The following S100A7A variants were observed in gnomAD, a reference collection of about 807,000 sequenced individuals.
The protein encoded by S100A7A is S100 calcium binding protein A7A, also known as protein S100-A7A.
In S100A7A, 5 loss-of-function variants were observed where a neutral mutation model predicts 4.0. The observed-to-expected ratio is 1.26, with a 90% CI of 0.66 to 2.66. The LOEUF (loss-of-function observed/expected upper bound fraction) is 2.66, where lower values mean the gene tolerates loss of function less well. Among genes scored for constraint, S100A7A ranks in the 30% most tolerant of loss-of-function variants. The pLI is 0.01. For synonymous variants in S100A7A, 52 were observed against 46.4 expected, an observed-to-expected ratio of 1.12 and a Z score of -0.49; for missense variants, 159 against 125.1, an observed-to-expected ratio of 1.27 and a Z score of -1.29.
intron 2 of S100A7A, 35 bp downstream of exon 2, chr1:153,418,258 AC>A (rs750856354): frequency 6.2e-7 from 1 of 1,605,448 alleles, no homozygotes; most frequent in Non-Finnish European, 8.5e-7. Context: ...TGTTGGTTGG[AC>A]CCTGGCATGG....
chr1:153,419,125 G>A lies in S100A7A; in HGVS notation c.142-20G>A, dbSNP rs1346767895. The A allele has an allele frequency of 2.5e-6, 4 of 1,609,424 alleles. No individual in the cohort carries two copies. Among genetic ancestry groups the A allele is most frequent in the Non-Finnish European group, 3.4e-6 (4 of 1,177,520 alleles). The stretch of plus-strand genomic sequence containing the variant: ...GTTTGTGATTGAATTTTTCTATTTT[G>A]TATGTTTTTCTCTTCACAGGACAAA... On this transcript the variant is annotated intron_variant, in intron 2 of 2. Coordinates refer to ENST00000368729, the MANE Select transcript of S100A7A (RefSeq NM_176823.4).
chr1:153,421,106 C>A lies in S100A7A; in HGVS notation c.*1797C>A, dbSNP rs938668580. Reference sequence around the variant, plus strand: ...TGTTATTCCCCGAATGCGCAACATACCCCCCATCAATATATCTCAGTATTT... The same window carrying A: ...TGTTATTCCCCGAATGCGCAACATAACCCCCATCAATATATCTCAGTATTT... On this transcript the variant is annotated 3_prime_UTR_variant, in exon 3 of 3. Transcript: ENST00000368729. The A allele has an allele frequency of 6.6e-6, 1 of 152,196 alleles. No individual in the cohort carries two copies. The highest frequency in any genetic ancestry group is 2.4e-5 in the African/African-American group (1 of 41,428). The allele number at this position is 152,196 out of a possible 1,614,324, so 9.4% of individuals were successfully genotyped here. A position where few individuals can be genotyped will look rare whatever the true frequency, so the allele number is the denominator to read the frequency against.
rs1662928697 is a variant in S100A7A at position 153,422,686 on chromosome 1, C to CT, written c.*3378dup. 6.0e-6 allele frequency: 1 copy of CT among 167,748 alleles called. No individual in the cohort carries two copies. The highest frequency in any genetic ancestry group is 6.5e-5 in the Admixed American group (1 of 15,290). The allele number at this position is 167,748 out of a possible 1,614,324, so 10.4% of individuals were successfully genotyped here. A position where few individuals can be genotyped will look rare whatever the true frequency, so the allele number is the denominator to read the frequency against. ...GAATTCACTGTGACGTCACTCCTGT[C>CT]TCTCTTTGCTTTCTTCTGACTGACA... On this transcript the variant is annotated 3_prime_UTR_variant, in exon 3 of 3. Coordinates refer to ENST00000368729, the MANE Select transcript of S100A7A (RefSeq NM_176823.4).
Position 153,420,486 on chromosome 1 carries a change from G to A in S100A7A, c.*1177G>A, listed in dbSNP as rs1662872598. 6.6e-6 allele frequency: 1 copy of A among 152,312 alleles called. No individual in the cohort carries two copies. The highest frequency in any genetic ancestry group is 2.4e-5 in the African/African-American group (1 of 41,408). 9.4% of individuals were successfully genotyped at this position (152,312 alleles called of 1,614,324 possible). A position where few individuals can be genotyped will look rare whatever the true frequency, so the allele number is the denominator to read the frequency against. ...GCAAACATTCTTCTTGGAGGAATCA[G>A]GCAAACATCTCAAAAATTCTCTTTC... is the stretch of plus-strand genomic sequence containing the variant. On this transcript the variant is annotated 3_prime_UTR_variant, in exon 3 of 3. Coordinates refer to ENST00000368729, the MANE Select transcript of S100A7A (RefSeq NM_176823.4).
In S100A7A at chr1:153,419,645, C is replaced by T; in HGVS notation, c.*336C>T. 3.2e-6 allele frequency: 1 copy of T among 316,430 alleles called. No individual in the cohort carries two copies. Among genetic ancestry groups the T allele is most frequent in the African/African-American group, 2.1e-5 (1 of 47,588 alleles). 19.6% of individuals were successfully genotyped at this position (316,430 alleles called of 1,614,324 possible). A position where few individuals can be genotyped will look rare whatever the true frequency, so the allele number is the denominator to read the frequency against. ...GCCCCTGCCAGGTCACAGCAATGCTCTCCTTGTCAAGGCATGGACCAGGGT... is the reference window on the plus strand; with the variant it reads ...GCCCCTGCCAGGTCACAGCAATGCTTTCCTTGTCAAGGCATGGACCAGGGT... On this transcript the variant is annotated 3_prime_UTR_variant, in exon 3 of 3. Transcript: ENST00000368729.
In S100A7A at chr1:153,418,007, C is replaced by T. The variant is rs557553370; in HGVS notation, c.-17-59C>T. 2.3e-5 allele frequency: 36 copies of T among 1,594,466 alleles called. No individual in the cohort carries two copies. In the East Asian group the frequency reaches 6.9e-4, roughly 31 times the overall value. Reference sequence around the variant, plus strand: ...TGTCCTCAGCCCTCCTTCTAACACCCCCACATAGAGACCTTAATTCAAACT... The same window carrying T: ...TGTCCTCAGCCCTCCTTCTAACACCTCCACATAGAGACCTTAATTCAAACT... On this transcript the variant is annotated intron_variant, in intron 1 of 2. Coordinates refer to ENST00000368729, the MANE Select transcript of S100A7A (RefSeq NM_176823.4).
At position 153,418,055 on chromosome 1, in the gene S100A7A, A is replaced by C. The variant is rs1298241907; in HGVS notation, c.-17-11A>C. ...ACTAAGGTAAGAAATGATTGTCTTT[A>C]TTTCCTGAAGGCTTTTTGAAAGCAA... On this transcript the variant is annotated splice_polypyrimidine_tract_variant and intron_variant, in intron 1 of 2. Coordinates refer to ENST00000368729, the MANE Select transcript of S100A7A (RefSeq NM_176823.4). 1 of 1,612,738 alleles carries C rather than the reference A, an allele frequency of 6.2e-7. No homozygotes were observed.
chr1:153,417,167 C>T (rs142181545), intron 1 of S100A7A: 6 of 152,346 alleles, frequency 3.9e-5, no homozygotes, highest in Non-Finnish European at 8.8e-5. Context: ...AGCCAAGGTC[C>T]TTTTCTGGTT....
Position 153,422,520 on chromosome 1 carries a change from T to A in S100A7A, c.*3211T>A, listed in dbSNP as rs533084009. 3.2e-5 allele frequency: 32 copies of A among 985,218 alleles called. No homozygotes were observed. Among genetic ancestry groups the A allele is most frequent in the Middle Eastern group, 5.2e-4 (1 of 1,912 alleles). 61.0% of individuals were successfully genotyped at this position (985,218 alleles called of 1,614,324 possible). ...GACAGCTCTATGCCCACACTCACAT[T>A]ACAGCTGATGTGAAAGAGATTCTGG... On this transcript the variant is annotated 3_prime_UTR_variant, in exon 3 of 3. Transcript: ENST00000368729.
intron 1 of S100A7A, 194 bp from the exon 2 acceptor site, chr1:153,417,872 G>A (rs1344688561): frequency 1.6e-6 from 1 of 617,266 alleles, no homozygotes; most frequent in Non-Finnish European, 2.7e-6. Flanking sequence ...CCCTGGCCAG[G>A]ATGGGCCGGG....
chr1:153,420,488 C>T lies in S100A7A; in HGVS notation c.*1179C>T, dbSNP rs1346609897. 6.6e-6 allele frequency: 1 copy of T among 152,316 alleles called. No individual in the cohort carries two copies. Among genetic ancestry groups the T allele is most frequent in the Admixed American group, 6.5e-5 (1 of 15,284 alleles). The allele number at this position is 152,316 out of a possible 1,614,324, so 9.4% of individuals were successfully genotyped here. A position where few individuals can be genotyped will look rare whatever the true frequency, so the allele number is the denominator to read the frequency against. ...AAACATTCTTCTTGGAGGAATCAGG[C>T]AAACATCTCAAAAATTCTCTTTCCA... is the stretch of plus-strand genomic sequence containing the variant. On this transcript the variant is annotated 3_prime_UTR_variant, in exon 3 of 3. Coordinates refer to ENST00000368729, the MANE Select transcript of S100A7A (RefSeq NM_176823.4).
At chr1:153,418,697 T>G (rs146368837) in intron 2 of S100A7A, among the ~76,000 whole-genome samples, 3 of 152,146 alleles carry the variant, frequency 2.0e-5, no homozygotes, top group Non-Finnish European at 1.5e-5. Flanking sequence ...AGGGTCTAGA[T>G]GACCAAGAGT....
In S100A7A at chr1:153,420,565, C is replaced by T. The variant is rs1189234930; in HGVS notation, c.*1256C>T. The T allele has an allele frequency of 6.6e-6, 1 of 152,272 alleles. No individual in the cohort carries two copies. The highest frequency in any genetic ancestry group is 1.5e-5 in the Non-Finnish European group (1 of 68,096). 9.4% of individuals were successfully genotyped at this position (152,272 alleles called of 1,614,324 possible). On this transcript the variant is annotated 3_prime_UTR_variant, in exon 3 of 3. Coordinates refer to ENST00000368729, the MANE Select transcript of S100A7A (RefSeq NM_176823.4). ...GGCTATTTGTTCTTTGGAATGACTGCTCCACTCCACACTCACACCTCTATT... is the reference window on the plus strand; with the variant it reads ...GGCTATTTGTTCTTTGGAATGACTGTTCCACTCCACACTCACACCTCTATT...
Position 153,416,558 on chromosome 1 carries a change from G to C in S100A7A, c.-23G>C. ...ATCCTTCTACTCGTGACACTTCCCAGTTCTGGTAAGTCTCACCTGCCTCTT... is the reference window on the plus strand; with the variant it reads ...ATCCTTCTACTCGTGACACTTCCCACTTCTGGTAAGTCTCACCTGCCTCTT... On this transcript the variant is annotated 5_prime_UTR_variant, in exon 1 of 3. Coordinates refer to ENST00000368729, the MANE Select transcript of S100A7A (RefSeq NM_176823.4). 4.1e-6 allele frequency: 2 copies of C among 485,858 alleles called. No individual in the cohort carries two copies. The highest frequency in any genetic ancestry group is 8.2e-6 in the Non-Finnish European group (2 of 243,306). The allele number at this position is 485,858 out of a possible 1,614,324, so 30.1% of individuals were successfully genotyped here. A position where few individuals can be genotyped will look rare whatever the true frequency, so the allele number is the denominator to read the frequency against.
rs3014814 is a variant in S100A7A, at chr1:153,419,568, C to G, written c.*259C>G. ...CAGGTCCTGGTGTCTGCCTCTGCACCGTTCCCTAAATGCAGCCACCTTGGC... is the reference window on the plus strand; with the variant it reads ...CAGGTCCTGGTGTCTGCCTCTGCACGGTTCCCTAAATGCAGCCACCTTGGC... On this transcript the variant is annotated 3_prime_UTR_variant, in exon 3 of 3. Transcript: ENST00000368729. The G allele has an allele frequency of 0.12, 57,459 of 473,224 alleles. 5,088 individuals carry two copies. The highest frequency in any genetic ancestry group is 0.34 in the African/African-American group (17,250 of 51,286). 29.3% of individuals were successfully genotyped at this position (473,224 alleles called of 1,614,324 possible).
At chr1:153,418,658 G>GA (rs912290385) in intron 2 of S100A7A, among the ~76,000 whole-genome samples, 20 of 152,144 alleles carry the variant, frequency 1.3e-4, no homozygotes, top group Admixed American at 2.0e-4. Flanking sequence ...TGGCAAATCT[G>GA]AAAAAACCTG....
rs895610944 is a variant in S100A7A, at chr1:153,421,950, C to G, written c.*2641C>G. On this transcript the variant is annotated 3_prime_UTR_variant, in exon 3 of 3. Coordinates refer to ENST00000368729, the MANE Select transcript of S100A7A (RefSeq NM_176823.4). ...GGAGCCTTGTCTAATGTTCCTGAGA[C>G]TATTTCACACTCTCCATGCTTATGT... The G allele has an allele frequency of 1.3e-5, 2 of 152,234 alleles. No individual in the cohort carries two copies. Among genetic ancestry groups the G allele is most frequent in the African/African-American group, 4.8e-5 (2 of 41,458 alleles). 9.4% of individuals were successfully genotyped at this position (152,234 alleles called of 1,614,324 possible).
chr1:153,418,930 C>A (rs551628253), intron 2 of S100A7A, among the ~76,000 whole-genome samples: 1 of 152,264 alleles, frequency 6.6e-6, no homozygotes, highest in African/African-American at 2.4e-5. Context: ...GCCTCCCATC[C>A]TGAGGTGTGA....
Position 153,422,641 on chromosome 1 carries a change from T to C in S100A7A, c.*3332T>C, listed in dbSNP as rs1267181022. The C allele has an allele frequency of 4.9e-6, 2 of 406,070 alleles. No individual in the cohort carries two copies. The highest frequency in any genetic ancestry group is 6.6e-6 in the Non-Finnish European group (2 of 301,010). The allele number at this position is 406,070 out of a possible 1,614,324, so 25.2% of individuals were successfully genotyped here. Reference sequence around the variant, plus strand: ...CACTCTGTCGCCCGGGCTGGAGTGCTGTGAGCTGTCCGTGGTGCTGAATTC... The same window carrying C: ...CACTCTGTCGCCCGGGCTGGAGTGCCGTGAGCTGTCCGTGGTGCTGAATTC... On this transcript the variant is annotated 3_prime_UTR_variant, in exon 3 of 3. Transcript: ENST00000368729.
Sources: gnomAD v4.1 joint callset for allele counts (sites outside exome capture counted in the v4.1 genomes callset) on GRCh38, gnomAD v4.1.1 for gene constraint, MANE v1.5 for transcripts, NCBI Gene and HGNC (gene_info 2026-07-23, HGNC 2026-07-21) for gene names.